Variants in FOXP2 observed in about 807,000 individuals in gnomAD.
The protein encoded by FOXP2 is forkhead box protein P2.
In FOXP2, 12 loss-of-function variants were observed where a neutral mutation model predicts 115.8. The observed-to-expected ratio is 0.10, with a 90% CI of 0.07 to 0.17. The LOEUF is 0.17. Among genes scored for constraint, FOXP2 ranks in the 10% least tolerant of loss-of-function variants. The pLI, the probability that FOXP2 is intolerant of heterozygous loss-of-function variation, is 1.00. For synonymous variants in FOXP2, 328 were observed against 297.7 expected (o/e 1.10, Z -1.05); for missense variants, 629 against 843.5 (o/e 0.75, Z 3.15).
At chr7:114,325,736 G>T (rs911520928) in intron 2 of FOXP2, among the ~76,000 whole-genome samples, 1 of 151,990 alleles carries the variant, frequency 6.6e-6, no homozygotes, top group Non-Finnish European at 1.5e-5. Context: ...AATATTTTCT[G>T]TATAGACCCG....
At chr7:114,572,243 T>TA (rs1554421833) in intron 3 of FOXP2, among the ~76,000 whole-genome samples, 8 of 145,864 alleles carry the variant, frequency 5.5e-5, no homozygotes, top group South Asian at 2.2e-4. Context: ...ATGGTAAATG[T>TA]CAAAAAAAAA....
At chr7:114,253,982 G>A (rs1402055873) in intron 1 of FOXP2, among the ~76,000 whole-genome samples, 7 of 152,180 alleles carry the variant, frequency 4.6e-5, no homozygotes, top group African/African-American at 1.7e-4. Context: ...TTGTAGGGCA[G>A]GCCTGATGGT....
chr7:114,452,742 C>A (rs1029918698), intron 2 of FOXP2, among the ~76,000 whole-genome samples: 1 of 152,058 alleles, frequency 6.6e-6, no homozygotes, highest in African/African-American at 2.4e-5. Flanking sequence ...TGTGTGTCAT[C>A]TTGCTGATAT....
intron 3 of FOXP2, among the ~76,000 whole-genome samples, chr7:114,625,429 A>C (rs1804505152): frequency 6.6e-6 from 1 of 151,770 alleles, no homozygotes; most frequent in African/African-American, 2.4e-5. Flanking sequence ...CTAACACCGA[A>C]CTTGCTAAGG....
chr7:114,663,337 A>T, intron 14 of FOXP2, 113 bp from the exon 15 acceptor site: 1 of 745,102 alleles, frequency 1.3e-6, no homozygotes. Context: ...ATATACATCC[A>T]GTATGGACTA....
At chr7:114,498,174 T>C (rs1019141321) in intron 2 of FOXP2, among the ~76,000 whole-genome samples, 3 of 152,202 alleles carry the variant, frequency 2.0e-5, no homozygotes, top group Non-Finnish European at 4.4e-5. Flanking sequence ...TTGTTTTTAA[T>C]AATGGGAGGA....
At chr7:114,492,993 A>G (rs1281201747) in intron 2 of FOXP2, among the ~76,000 whole-genome samples, 2 of 152,026 alleles carry the variant, frequency 1.3e-5, no homozygotes, top group African/African-American at 4.8e-5. Flanking sequence ...TGATCTGTCT[A>G]AGGTTGACAG....
chr7:114,284,749 C>A (rs896192381), intron 1 of FOXP2, among the ~76,000 whole-genome samples: 1 of 152,174 alleles, frequency 6.6e-6, no homozygotes, highest in Admixed American at 6.6e-5. Context: ...CGTAAAGACA[C>A]ATGCTCACAT....
intron 2 of FOXP2, among the ~76,000 whole-genome samples, chr7:114,311,692 G>T (rs1348549946): frequency 6.6e-6 from 1 of 152,144 alleles, no homozygotes; most frequent in Non-Finnish European, 1.5e-5. Context: ...ACAGAGGGGA[G>T]GGGTACATGA....
chr7:114,433,610 A>G (rs1794209182), intron 2 of FOXP2, among the ~76,000 whole-genome samples: 1 of 151,974 alleles, frequency 6.6e-6, no homozygotes, highest in Non-Finnish European at 1.5e-5. Context: ...TGAAGATGCA[A>G]GTGTACTTAT....
At position 114,663,459 on chromosome 7, in the gene FOXP2, C is replaced by T; in HGVS notation, c.1779C>T (p.Thr593=). ...RRSQKITGSP[T]LVKNIPTSLG... is the part of the protein sequence containing the mutation. ...ATATTTTTTTTTTCAGAAGTCCAAC[C>T]TTAGTAAAAAATATACCTACCAGTT... is the stretch of plus-strand genomic sequence containing the variant. The change falls in exon 15 of 17, where the codon ACC becomes ACT. Residue 593 remains threonine (T), a synonymous_variant. Coordinates refer to ENST00000350908, the MANE Select transcript of FOXP2 (RefSeq NM_014491.4). 1 of 1,607,218 alleles carries T rather than the reference C, an allele frequency of 6.2e-7. No individual in the cohort carries two copies. The highest frequency in any genetic ancestry group is 8.5e-7 in the Non-Finnish European group (1 of 1,175,382).
intron 2 of FOXP2, among the ~76,000 whole-genome samples, chr7:114,434,179 ATAAT>A (rs1384737674): frequency 1.3e-5 from 2 of 151,926 alleles, no homozygotes; most frequent in African/African-American, 4.8e-5. Flanking sequence ...TACTTGCTAA[ATAAT>A]TGTTTTTGAA....
chr7:114,671,441 G>A (rs922917012), intron 16 of FOXP2, among the ~76,000 whole-genome samples: 1 of 152,122 alleles, frequency 6.6e-6, no homozygotes, highest in African/African-American at 2.4e-5. Context: ...GACATCCGTG[G>A]TGTGAATTCC....
chr7:114,384,922 C>A (rs1202496447), intron 2 of FOXP2, among the ~76,000 whole-genome samples: 1 of 151,858 alleles, frequency 6.6e-6, no homozygotes, highest in Non-Finnish European at 1.5e-5. Context: ...AACAAAGTGA[C>A]AATTATCAAT....
intron 16 of FOXP2, chr7:114,665,076 CT>C (rs895594894): frequency 7.9e-5 from 12 of 152,316 alleles, no homozygotes; most frequent in African/African-American, 2.7e-4. Context: ...ACTCTAAAAT[CT>C]TTCCCCTACC....
intron 3 of FOXP2, among the ~76,000 whole-genome samples, chr7:114,588,405 C>T (rs982432511): frequency 1.3e-5 from 2 of 152,014 alleles, no homozygotes; most frequent in African/African-American, 4.8e-5. Context: ...ATAAAATGCT[C>T]CGAAATGATA....
intron 16 of FOXP2, among the ~76,000 whole-genome samples, chr7:114,673,673 C>T (rs1429980998): frequency 6.6e-6 from 1 of 151,922 alleles, no homozygotes; most frequent in Non-Finnish European, 1.5e-5. Flanking sequence ...TGACCTTTAC[C>T]CACCTTTTTG....
chr7:114,232,353 C>G (rs1031988170), intron 1 of FOXP2, among the ~76,000 whole-genome samples: 4 of 152,082 alleles, frequency 2.6e-5, no homozygotes, highest in Non-Finnish European at 5.9e-5. Context: ...TCCATCAATC[C>G]TACTTCTAGT....
chr7:114,099,468 T>G (rs1450695393), intron 1 of FOXP2, among the ~76,000 whole-genome samples: 1 of 152,128 alleles, frequency 6.6e-6, no homozygotes, highest in Non-Finnish European at 1.5e-5. Context: ...TATGGAGGTT[T>G]CAAAGAAAAT....
Sources: gnomAD v4.1 joint callset for allele counts (sites outside exome capture counted in the v4.1 genomes callset) on GRCh38, gnomAD v4.1.1 for gene constraint, MANE v1.5 for transcripts, NCBI Gene and HGNC (gene_info 2026-07-23, HGNC 2026-07-21) for gene names.